LRRC4C: variants seen among roughly 807,000 people sequenced by gnomAD.
The protein encoded by LRRC4C is leucine rich repeat containing 4C.
Under a neutral mutation model 33.6 loss-of-function variants are expected in LRRC4C, and 5 were observed. That is an observed-to-expected ratio of 0.15 (90% confidence interval 0.08 to 0.31). The LOEUF (loss-of-function observed/expected upper bound fraction) is 0.31, where lower values mean the gene tolerates loss of function less well. Ranked by LOEUF, LRRC4C falls within the 10% of genes least tolerant of loss-of-function variation. LRRC4C has a pLI of 1.00. For synonymous variants in LRRC4C, 329 were observed against 302.0 expected (o/e 1.09, Z -0.93); for missense variants, 560 against 796.7 (o/e 0.70, Z 3.58).
intron 1 of LRRC4C, among the ~76,000 whole-genome samples, chr11:41,012,268 C>T (rs1231567600): frequency 6.6e-6 from 1 of 152,062 alleles, no homozygotes; most frequent in African/African-American, 2.4e-5. Context: ...CTGTTAACCA[C>T]CAGTTTACTC....
chr11:40,585,498 T>G (rs1958684746), intron 3 of LRRC4C, among the ~76,000 whole-genome samples: 1 of 151,462 alleles, frequency 6.6e-6, no homozygotes, highest in Admixed American at 6.6e-5. Context: ...ATACTTTAAG[T>G]TTTAGGGTAC....
At chr11:40,236,689 G>A (rs963605329) in intron 5 of LRRC4C, among the ~76,000 whole-genome samples, 1 of 152,082 alleles carries the variant, frequency 6.6e-6, no homozygotes, top group Non-Finnish European at 1.5e-5. Context: ...GCCACATGTT[G>A]GAATGGCAAA....
intron 3 of LRRC4C, among the ~76,000 whole-genome samples, chr11:40,368,805 A>G (rs2137239857): frequency 1.3e-5 from 2 of 152,274 alleles, no homozygotes; most frequent in East Asian, 3.9e-4. Context: ...TTTGCAGACA[A>G]ACAGACCAGA....
intron 1 of LRRC4C, among the ~76,000 whole-genome samples, chr11:41,270,548 C>T (rs954179395): frequency 3.9e-5 from 6 of 152,032 alleles, no homozygotes; most frequent in Non-Finnish European, 4.4e-5. Flanking sequence ...TCTTAGGTGC[C>T]TCTTCACCCC....
At chr11:40,274,414 G>GACACACAC (rs758404396) in intron 4 of LRRC4C, among the ~76,000 whole-genome samples, 764 of 63,000 alleles carry the variant, frequency 0.012, 9 homozygotes, top group Middle Eastern at 0.018. Flanking sequence ...CTGCGGAATA[G>GACACACAC]ACACACACAT....
chr11:41,229,804 G>T (rs1484951783), intron 1 of LRRC4C, among the ~76,000 whole-genome samples: 1 of 151,994 alleles, frequency 6.6e-6, no homozygotes. Context: ...TTTAATGATT[G>T]TTTCCCCCTG....
At chr11:40,852,555 G>A (rs1250364653) in intron 2 of LRRC4C, among the ~76,000 whole-genome samples, 1 of 152,050 alleles carries the variant, frequency 6.6e-6, no homozygotes, top group East Asian at 1.9e-4. Context: ...GTTTTGTATT[G>A]TTTTAAATGG....
At chr11:40,449,395 G>T (rs1026255112) in intron 3 of LRRC4C, among the ~76,000 whole-genome samples, 1 of 150,494 alleles carries the variant, frequency 6.6e-6, no homozygotes, top group East Asian at 1.9e-4. Flanking sequence ...CAGATCCCAC[G>T]GATACCTAGG....
At chr11:40,291,123 A>G (rs1780903999) in intron 4 of LRRC4C, among the ~76,000 whole-genome samples, 1 of 151,914 alleles carries the variant, frequency 6.6e-6, no homozygotes, top group Admixed American at 6.6e-5. Context: ...AAGTTATATG[A>G]GTCTATGATT....
At chr11:40,441,388 A>T (rs1247492880) in intron 3 of LRRC4C, among the ~76,000 whole-genome samples, 1 of 152,232 alleles carries the variant, frequency 6.6e-6, no homozygotes, top group African/African-American at 2.4e-5. Context: ...AGATAAAAAA[A>T]CAACAGTATG....
chr11:40,792,149 C>T (rs1950647632), intron 2 of LRRC4C, among the ~76,000 whole-genome samples: 1 of 151,866 alleles, frequency 6.6e-6, no homozygotes, highest in South Asian at 2.1e-4. Context: ...AGACTTTAGC[C>T]CTATTCTAGC....
At chr11:40,729,438 C>A (rs1300565694) in intron 2 of LRRC4C, among the ~76,000 whole-genome samples, 3 of 152,232 alleles carry the variant, frequency 2.0e-5, no homozygotes, top group Admixed American at 1.3e-4. Context: ...AATCCAGACC[C>A]TTTTGACTCC....
At chr11:40,986,966 A>T (rs1327377617) in intron 1 of LRRC4C, among the ~76,000 whole-genome samples, 8 of 152,252 alleles carry the variant, frequency 5.3e-5, no homozygotes, top group Non-Finnish European at 1.2e-4. Context: ...TTGGTGGATA[A>T]TTAATAGCAA....
chr11:40,569,182 A>G (rs1270974432), intron 3 of LRRC4C, among the ~76,000 whole-genome samples: 1 of 152,216 alleles, frequency 6.6e-6, no homozygotes, highest in African/African-American at 2.4e-5. Flanking sequence ...ACACTTGTTC[A>G]GCCCACAGTA....
intron 5 of LRRC4C, among the ~76,000 whole-genome samples, chr11:40,190,400 A>T (rs1237916060): frequency 2.6e-5 from 4 of 152,214 alleles, no homozygotes; most frequent in Non-Finnish European, 2.9e-5. Context: ...GCTCCTCCAG[A>T]AGATTCTCAG....
chr11:40,782,992 A>G (rs764937017), intron 2 of LRRC4C, among the ~76,000 whole-genome samples: 22 of 152,156 alleles, frequency 1.4e-4, no homozygotes, highest in Non-Finnish European at 2.6e-4. Flanking sequence ...GGCTAGTGCC[A>G]TGCATTATTT....
At chr11:41,013,968 C>T (rs1283449130) in intron 1 of LRRC4C, among the ~76,000 whole-genome samples, 1 of 152,126 alleles carries the variant, frequency 6.6e-6, no homozygotes, top group Non-Finnish European at 1.5e-5. Context: ...AGCACCAAGC[C>T]ATGAGGGATC....
chr11:40,512,808 T>C (rs1232841544), intron 3 of LRRC4C, among the ~76,000 whole-genome samples: 1 of 152,114 alleles, frequency 6.6e-6, no homozygotes, highest in Admixed American at 6.6e-5. Context: ...CAGGTATCAT[T>C]GGGAGTCGAC....
At chr11:41,335,653 C>T (rs1951429732) in intron 1 of LRRC4C, among the ~76,000 whole-genome samples, 1 of 152,056 alleles carries the variant, frequency 6.6e-6, no homozygotes, top group African/African-American at 2.4e-5. Context: ...ACGTTATGTC[C>T]AGCACCTGCA....
Sources: allele counts gnomAD v4.1 joint callset (sites outside exome capture counted in the v4.1 genomes callset), GRCh38; gene constraint gnomAD v4.1.1; transcripts MANE v1.5; gene names NCBI Gene and HGNC (gene_info 2026-07-23, HGNC 2026-07-21).